UNC13A: variants seen among roughly 807,000 people sequenced by gnomAD.
UNC13A encodes unc-13 homolog A, also known as protein unc-13 homolog A.
A neutral mutation model predicts 219.7 loss-of-function variants in UNC13A; 61 were observed. That is an observed-to-expected ratio of 0.28 (90% CI 0.23 to 0.34). The LOEUF is 0.34. Ranked by LOEUF, UNC13A falls within the 10% of genes least tolerant of loss-of-function variation. The probability of loss-of-function intolerance (pLI) is 1.00; values close to 1 mark genes in which losing one functional copy is unlikely to be tolerated. For synonymous variants in UNC13A, 920 were observed against 884.6 expected (o/e 1.04, Z -0.71); for missense variants, 1,476 against 2,270.3 (o/e 0.65, Z 7.11).
intron 25 of UNC13A, among the ~76,000 whole-genome samples, chr19:17,638,607 A>C (rs187346624): frequency 2.2e-3 from 331 of 152,246 alleles, no homozygotes; most frequent in African/African-American, 7.4e-3. Flanking sequence ...CAGGTGGATC[A>C]CCTGAGGTCA....
chr19:17,648,835 C>G (rs533599098), intron 15 of UNC13A, 77 bp downstream of exon 15: 3 of 1,532,806 alleles, frequency 2.0e-6, no homozygotes, highest in South Asian at 2.4e-5. Context: ...CCCGGGGACC[C>G]ACAGAGGCTT....
chr19:17,625,700 C>A (rs1202677684), intron 34 of UNC13A, among the ~76,000 whole-genome samples: 2 of 151,956 alleles, frequency 1.3e-5, no homozygotes, highest in Non-Finnish European at 2.9e-5. Flanking sequence ...ATTAATCCAT[C>A]CATCCATCGA....
At chr19:17,606,382 C>T (rs1240058174) in intron 43 of UNC13A, 28 bp from the exon 44 acceptor site, 2 of 1,536,130 alleles carry the variant, frequency 1.3e-6, no homozygotes. Flanking sequence ...GAACGTGAGA[C>T]AGGCCACACC....
rs1599341809 is a variant in UNC13A at position 17,623,479 on chromosome 19, G to A, written c.4203+63C>T. ...GGTGGGGAGAGGGGTGCAGCGACGC[G>A]GTGGGCCGAGTCCAGACACAGAGAG... On this transcript the variant is annotated intron_variant, in intron 36 of 43. Transcript: ENST00000519716. The A allele has an allele frequency of 2.8e-6, 4 of 1,422,662 alleles. No homozygotes were observed. The East Asian group carries it at 8.1e-5, about 29-fold the overall frequency. 88.1% of individuals were successfully genotyped at this position (1,422,662 alleles called of 1,614,324 possible).
At chr19:17,650,569 C>G (rs1025907235) in intron 12 of UNC13A, among the ~76,000 whole-genome samples, 1 of 152,100 alleles carries the variant, frequency 6.6e-6, no homozygotes, top group Non-Finnish European at 1.5e-5. Flanking sequence ...CCTCTGCCTC[C>G]CAGGTTTAAG....
intron 37 of UNC13A, 71 bp from the exon 38 acceptor site, chr19:17,620,793 C>T: frequency 4.5e-6 from 7 of 1,554,886 alleles, no homozygotes; most frequent in Non-Finnish European, 6.2e-6. Flanking sequence ...GACTTCCCTG[C>T]CCCCTCAAAG....
intron 5 of UNC13A, 40 bp from the exon 6 acceptor site, chr19:17,668,230 C>T (rs1303411527): frequency 2.5e-6 from 4 of 1,589,664 alleles, no homozygotes; most frequent in Non-Finnish European, 3.4e-6. Context: ...GAAGACCCTC[C>T]CTGCCGCTCA....
rs952322364 is a variant in UNC13A at position 17,618,480 on chromosome 19, C to T, written c.4351G>A (p.Ala1451Thr). Residue 1451 changes from alanine to threonine, a missense_variant, in exon 40 of 44, where the codon GCC becomes ACC. Ala to Thr is a moderately conservative substitution (Grantham distance 58). Transcript: ENST00000519716. Reference sequence around the variant, plus strand: ...CACTGCTTTGGGGTCAAGCTCTTGGCTTCTTCTCGTACCATGTGATCCTGG... The same window carrying T: ...CACTGCTTTGGGGTCAAGCTCTTGGTTTCTTCTCGTACCATGTGATCCTGG... ...KLKDHMVREE[A>T]KSLTPKQCAV... 8 of 1,592,808 alleles carry T rather than the reference C, an allele frequency of 5.0e-6. No individual in the cohort carries two copies. In the Admixed American group the frequency reaches 1.1e-4, roughly 21 times the overall value.
At position 17,657,883 on chromosome 19, in the gene UNC13A, GAA is replaced by G. The variant is rs67859749; in HGVS notation, c.767+177_767+178del. The stretch of plus-strand genomic sequence containing the variant: ...GACTCTGTCTAAAAAAAAAAGAAAA[GAA>G]AAAAAAAAAGAAAAAAATGGTTAAT... On this transcript the variant is annotated intron_variant, in intron 9 of 43. Transcript: ENST00000519716. 1.4e-3 allele frequency among the ~76,000 whole-genome samples: 191 copies of G among 139,750 alleles called. 2 individuals are homozygous for G. Among genetic ancestry groups the G allele is most frequent in the African/African-American group, 4.5e-3 (172 of 38,450 alleles). 91.7% of individuals were successfully genotyped at this position (139,750 alleles called of 152,430 possible).
rs546418148 is a variant in UNC13A at position 17,625,951 on chromosome 19, A to C, written c.4073+682T>G. On this transcript the variant is annotated intron_variant, in intron 34 of 43. Coordinates refer to ENST00000519716, the MANE Select transcript of UNC13A (RefSeq NM_001080421.3). ...CATCCATTCATCCATCCATCCATCC[A>C]GCCAGCCAGACAGACATCTATGCAT... Among the ~76,000 whole-genome samples the C allele has an allele frequency of 9.9e-5, 15 of 151,668 alleles. No homozygotes were observed. The South Asian group carries it at 2.9e-3, about 30-fold the overall frequency.
chr19:17,633,733 T>C (rs2076882231), intron 26 of UNC13A, among the ~76,000 whole-genome samples: 1 of 149,482 alleles, frequency 6.7e-6, no homozygotes, highest in Non-Finnish European at 1.5e-5. Context: ...ATCTATCTAT[T>C]TATCCATCCA....
At chr19:17,631,210 T>C (rs1417296436) in intron 28 of UNC13A, among the ~76,000 whole-genome samples, 1,877 of 28,494 alleles carry the variant, frequency 0.066, 150 homozygotes, top group African/African-American at 0.14. Context: ...CTCCCTTCCT[T>C]CCTTCCTTCC....
chr19:17,670,065 G>A (rs1385261906), intron 4 of UNC13A, among the ~76,000 whole-genome samples: 2 of 150,464 alleles, frequency 1.3e-5, no homozygotes, highest in Non-Finnish European at 2.9e-5. Context: ...TCCTGCCTCA[G>A]CTTCCCGAGT....
At chr19:17,623,451 G>T in intron 36 of UNC13A, 91 bp downstream of exon 36, 1 of 1,001,112 alleles carries the variant, frequency 1.0e-6, no homozygotes, top group Non-Finnish European at 1.5e-6. Flanking sequence ...GGGGCGCTGG[G>T]TGGGTGGGGA....
chr19:17,659,433 C>A (rs187052664), intron 8 of UNC13A, among the ~76,000 whole-genome samples: 21 of 151,394 alleles, frequency 1.4e-4, no homozygotes, highest in Non-Finnish European at 2.9e-4. Flanking sequence ...TGACACAAGA[C>A]CCTGTCTCCA....
At chr19:17,607,542 T>C (rs2076546659) in intron 43 of UNC13A, among the ~76,000 whole-genome samples, 1 of 147,970 alleles carries the variant, frequency 6.8e-6, no homozygotes, top group South Asian at 2.1e-4. Context: ...CCTCCCAAAG[T>C]GTTGGAATTA....
chr19:17,677,178 A>G (rs2079914373), intron 1 of UNC13A, among the ~76,000 whole-genome samples: 2 of 152,052 alleles, frequency 1.3e-5, no homozygotes, highest in South Asian at 2.1e-4. Context: ...CACAGCCCCA[A>G]GAGATTCAAA....
intron 12 of UNC13A, among the ~76,000 whole-genome samples, chr19:17,650,547 G>A: frequency 6.6e-6 from 1 of 152,040 alleles, no homozygotes; most frequent in South Asian, 2.1e-4. Flanking sequence ...AACCTTTCTT[G>A]GCTCATTGCA....
chr19:17,639,848 T>C lies in UNC13A; in HGVS notation c.2848A>G (p.Met950Val), dbSNP rs1322928566. The C allele has an allele frequency of 1.9e-6, 3 of 1,613,610 alleles. No homozygotes were observed. The highest frequency in any genetic ancestry group is 4.5e-5 in the East Asian group (2 of 44,860). The change falls in exon 23 of 44, where the codon ATG becomes GTG. Residue 950 changes from methionine (M) to valine (V), a missense_variant. By Grantham distance (21) the Met-to-Val change is conservative. Around this residue, in one of 14 missense-constraint regions of UNC13A, gnomAD observed 140 missense variants for 270.9 expected, o/e 0.52. Transcript: ENST00000519716. ...LHNSLRIDLSMYRNNFPASSP... is the reference protein window; with the variant it reads ...LHNSLRIDLSVYRNNFPASSP... ...ATGCACACACTTCCTACCCGGTACA[T>C]GGAGAGGTCAATCCGCAGGGAGTTA...
Sources: gnomAD v4.1 joint callset for allele counts (sites outside exome capture counted in the v4.1 genomes callset) on GRCh38, gnomAD v4.1.1 for gene constraint, gnomAD v4.1.1 regional missense constraint, MANE v1.5 for transcripts, NCBI Gene and HGNC (gene_info 2026-07-23, HGNC 2026-07-21) for gene names.